The following TTN variants were observed in gnomAD, a reference collection of about 807,000 sequenced individuals.
TTN encodes the protein connectin.
A neutral mutation model predicts 3,223.0 loss-of-function variants in TTN; 1,525 were observed. The ratio of observed to expected loss-of-function variants is 0.47; its 90% CI spans 0.45 to 0.49. TTN has a LOEUF of 0.49. Ranked by LOEUF, TTN falls within the 20% of genes least tolerant of loss-of-function variation. The pLI is 0.00. For synonymous variants in TTN, 14,094 were observed against 15,161.0 expected (o/e 0.93, Z 5.17); for missense variants, 40,786 against 43,424.0 (o/e 0.94, Z 5.40).
In TTN at chr2:178,663,425, G is replaced by T. The variant is rs2065137036; in HGVS notation, c.36616+8C>A. On this transcript the variant is annotated splice_region_variant and intron_variant, in intron 172 of 362. Transcript: ENST00000589042. Reference sequence around the variant, plus strand: ...CAATATCAAACACAGCAACAAGAGGGTGTCTACCTTTTGTGGGTGGCACTT... The same window carrying T: ...CAATATCAAACACAGCAACAAGAGGTTGTCTACCTTTTGTGGGTGGCACTT... 10 of 1,609,512 alleles carry T rather than the reference G, an allele frequency of 6.2e-6. No homozygotes were observed. Among genetic ancestry groups the T allele is most frequent in the Non-Finnish European group, 8.5e-6 (10 of 1,178,346 alleles).
chr2:178,536,300 C>T lies in TTN; in HGVS notation c.100447G>A (p.Glu33483Lys), dbSNP rs368321767. 6.2e-7 allele frequency: 1 copy of T among 1,613,558 alleles called. No homozygotes were observed. The highest frequency in any genetic ancestry group is 1.3e-5 in the African/African-American group (1 of 74,908). Reference sequence around the variant, plus strand: ...ACATCAGATTTGGGAGTGATGGGTTCTGATATTTCACTCCATTCACTTTCC... The same window carrying T: ...ACATCAGATTTGGGAGTGATGGGTTTTGATATTTCACTCCATTCACTTTCC... ...GGESEWSEIS[E>K]PITPKSDVPI... is the part of the protein sequence containing the mutation. Residue 33483 changes from glutamate (E) to lysine (K), a missense_variant, in exon 357 of 363, where the codon GAA becomes AAA. Glu to Lys is a moderately conservative substitution (Grantham distance 56, BLOSUM62 1). Transcript: ENST00000589042.
intron 107 of TTN, 53 bp from the exon 108 acceptor site, chr2:178,702,298 T>C: frequency 6.2e-7 from 1 of 1,610,606 alleles, no homozygotes; most frequent in Non-Finnish European, 8.5e-7. Context: ...CAAATAACAC[T>C]TCTTTACTTC....
In TTN at chr2:178,595,478, T is replaced by A. The variant is rs948424354; in HGVS notation, c.57847+29A>T. On this transcript the variant is annotated intron_variant, in intron 295 of 362. Transcript: ENST00000589042. Reference sequence around the variant, plus strand: ...TGTACTAAATGAGTAAAGAAGTGATTAAGTATACATTTTTTTTTTTTTACT... The same window carrying A: ...TGTACTAAATGAGTAAAGAAGTGATAAAGTATACATTTTTTTTTTTTTACT... The A allele has an allele frequency of 5.9e-6, 9 of 1,533,146 alleles. No homozygotes were observed. The African/African-American group carries it at 7.0e-5, about 12-fold the overall frequency. The allele number at this position is 1,533,146 out of a possible 1,614,324, so 95.0% of individuals were successfully genotyped here.
At chr2:178,757,227 A>ATACTGTACTTGCTTTAAGTAGAGGAAG in intron 45 of TTN, among the ~76,000 whole-genome samples, 1 of 150,314 alleles carries the variant, frequency 6.7e-6, no homozygotes, top group Non-Finnish European at 1.5e-5. Flanking sequence ...ACAGTAAGTA[A>ATACTGTACTTGCTTTAAGTAGAGGAAG]TAATCAGCAA....
At position 178,620,871 on chromosome 2, in the gene TTN, T is replaced by G. The variant is rs373857517; in HGVS notation, c.45739A>C (p.Ile15247Leu). ...ATGATGTATTTTGAACTATCAAATA[T>G]AGCTTCTTCATTTCTGAACCATTTG... ...KAKWFRNEEA[I>L]FDSSKYIILQ... is the part of the protein sequence containing the mutation. The change falls in exon 247 of 363, where the codon ATA (isoleucine) becomes CTA (leucine). Residue 15247 changes from isoleucine to leucine, a missense_variant. Ile to Leu is a conservative substitution (Grantham distance 5, BLOSUM62 2). Coordinates refer to ENST00000589042, the MANE Select transcript of TTN (RefSeq NM_001267550.2). 2.7e-5 allele frequency: 44 copies of G among 1,612,508 alleles called. 1 individual carries two copies. Among genetic ancestry groups the G allele is most frequent in the Non-Finnish European group, 3.6e-5 (42 of 1,179,146 alleles).
intron 43 of TTN, among the ~76,000 whole-genome samples, chr2:178,763,205 G>A (rs1487820066): frequency 6.6e-6 from 1 of 152,176 alleles, no homozygotes; most frequent in Non-Finnish European, 1.5e-5. Context: ...GACTTGAAGT[G>A]GTTCCACATA....
Position 178,782,691 on chromosome 2 carries a change from C to G in TTN, c.3101-89G>C. The stretch of plus-strand genomic sequence containing the variant: ...AGTTAAATTGACCATATAATCTCCC[C>G]CCAAGTTCCAAAAAGGGACATCATT... On this transcript the variant is annotated intron_variant, in intron 18 of 362. Coordinates refer to ENST00000589042, the MANE Select transcript of TTN (RefSeq NM_001267550.2). The G allele has an allele frequency of 1.9e-6, 3 of 1,604,152 alleles. No homozygotes were observed. The South Asian group carries it at 3.3e-5, about 18-fold the overall frequency.
At chr2:178,763,431 G>T (rs953985980) in intron 43 of TTN, among the ~76,000 whole-genome samples, 1 of 152,160 alleles carries the variant, frequency 6.6e-6, no homozygotes, top group African/African-American at 2.4e-5. Flanking sequence ...AATTAGTCCA[G>T]TCAACAATTA....
chr2:178,650,756 G>C lies in TTN; in HGVS notation c.39704C>G (p.Pro13235Arg), dbSNP rs72650066. The C allele has an allele frequency of 9.2e-3, 14,817 of 1,602,542 alleles. 522 individuals carry two copies. The East Asian group carries it at 0.13, about 14-fold the overall frequency. The change falls in exon 209 of 363, where the codon CCA becomes CGA. Residue 13235 changes from proline (P) to arginine (R), a missense_variant. By Grantham distance (103) the Pro-to-Arg change is moderately radical. Coordinates refer to ENST00000589042, the MANE Select transcript of TTN (RefSeq NM_001267550.2). Reference protein sequence around the residue: ...PVPERAESPPPEVYEEPEEIA... With the variant: ...PVPERAESPPREVYEEPEEIA... Reference sequence around the variant, plus strand: ...ATCACCGGTCTCACGTGTACCTTCTGGGGGAGGAGACTCCGCTCTTTCTGG... The same window carrying C: ...ATCACCGGTCTCACGTGTACCTTCTCGGGGAGGAGACTCCGCTCTTTCTGG...
chr2:178,554,420 A>G (rs1209620273), intron 332 of TTN, 33 bp downstream of exon 332: 2 of 1,595,362 alleles, frequency 1.3e-6, no homozygotes, highest in African/African-American at 2.7e-5. Context: ...TAAATTTTTC[A>G]CGTTTCAGTT....
rs1489668533 is a variant in TTN at position 178,552,417 on chromosome 2, T to C, written c.90483A>G (p.Pro30161=). The C allele has an allele frequency of 1.3e-6, 2 of 1,596,002 alleles. No individual in the cohort carries two copies. The highest frequency in any genetic ancestry group is 2.3e-5 in the South Asian group (2 of 88,728). Reference sequence around the variant, plus strand: ...AGCCATCTTTCAGCCAACTGATGGATGGTTTGGGTTTTCCCTTATAAGGTA... The same window carrying C: ...AGCCATCTTTCAGCCAACTGATGGACGGTTTGGGTTTTCCCTTATAAGGTA... ...LELPYKGKPK[P]SISWLKDGLP... is the part of the protein sequence containing the mutation. The change falls in exon 335 of 363, where the codon CCA becomes CCG. Residue 30161 remains proline (P), a synonymous_variant. Coordinates refer to ENST00000589042, the MANE Select transcript of TTN (RefSeq NM_001267550.2).
rs561586925 is a variant in TTN, at chr2:178,575,568, C to T, written c.70564G>A (p.Glu23522Lys). 7.4e-6 allele frequency: 12 copies of T among 1,613,670 alleles called. No individual in the cohort carries two copies. In the Admixed American group the frequency reaches 8.3e-5, roughly 11 times the overall value. The stretch of plus-strand genomic sequence containing the variant: ...GAGGCTTTTACGGGCTCTGTAGTTT[C>T]TGTTGGCTCACCAATTCCATATTCA... ...ENEYGIGEPT[E>K]TTEPVKASEA... Residue 23522 changes from glutamate (E) to lysine (K), a missense_variant, in exon 326 of 363, where the codon GAA becomes AAA. By Grantham distance (56) the Glu-to-Lys change is moderately conservative (BLOSUM62 1). Transcript: ENST00000589042. This position sits in a 1 kb window ranked among gnomAD's most constrained non-coding sequence, Gnocchi z 4.0.
At chr2:178,735,109 T>G in intron 50 of TTN, 121 bp from the exon 51 acceptor site, 1 of 1,145,666 alleles carries the variant, frequency 8.7e-7, no homozygotes, top group African/African-American at 1.6e-5. Context: ...ACAAAATTTC[T>G]GTAAAAGCTG....
chr2:178,552,333 C>T lies in TTN; in HGVS notation c.90567G>A (p.Leu30189=). ...RFSKTENKIT[L]SIKNAKKEHG... Reference sequence around the variant, plus strand: ...GCTCCTTCTTGGCATTCTTAATACTCAAAGTAATTTTGTTTTCAGTTTTAC... The same window carrying T: ...GCTCCTTCTTGGCATTCTTAATACTTAAAGTAATTTTGTTTTCAGTTTTAC... The change falls in exon 335 of 363, where the codon TTG becomes TTA. Residue 30189 remains leucine (L), a synonymous_variant. Transcript: ENST00000589042. 6.2e-7 allele frequency: 1 copy of T among 1,603,734 alleles called. No individual in the cohort carries two copies.
In TTN at chr2:178,713,215, C is replaced by T; in HGVS notation, c.26919G>A (p.Gln8973=). The T allele has an allele frequency of 6.2e-7, 1 of 1,613,530 alleles. No individual in the cohort carries two copies. Among genetic ancestry groups the T allele is most frequent in the Non-Finnish European group, 8.5e-7 (1 of 1,179,700 alleles). Reference sequence around the variant, plus strand: ...CACAAGTATTATCTGTCAGGGTGGTCTGGTATTTCCTTCCACTACTGATCT... The same window carrying T: ...CACAAGTATTATCTGTCAGGGTGGTTTGGTATTTCCTTCCACTACTGATCT... ...GNEISSGRKY[Q]TTLTDNTCAL... is the part of the protein sequence containing the mutation. The change falls in exon 93 of 363, where the codon CAG becomes CAA. Residue 8973 remains glutamine (Q), a synonymous_variant. Coordinates refer to ENST00000589042, the MANE Select transcript of TTN (RefSeq NM_001267550.2).
Position 178,794,902 on chromosome 2 carries a change from C to T in TTN, c.1245+20G>A. ...AACTAGAATGTGAAATAAGGAAAAACAAAACCATTCTGACAGTACCTCTTT... is the reference window on the plus strand; with the variant it reads ...AACTAGAATGTGAAATAAGGAAAAATAAAACCATTCTGACAGTACCTCTTT... On this transcript the variant is annotated intron_variant, in intron 7 of 362. Transcript: ENST00000589042. 6.3e-7 allele frequency: 1 copy of T among 1,599,974 alleles called. No individual in the cohort carries two copies. The highest frequency in any genetic ancestry group is 2.2e-5 in the East Asian group (1 of 44,872).
chr2:178,664,364 A>T (rs2065471809), intron 168 of TTN, 96 bp downstream of exon 168: 1 of 963,532 alleles, frequency 1.0e-6, no homozygotes, highest in African/African-American at 1.6e-5. Context: ...GACATGATTC[A>T]CATGTACACA....
In TTN at chr2:178,697,171, G is replaced by T; in HGVS notation, c.30755-3C>A. ...AGGTGGAGGCTTCTTGACAATCTCT[G>T]GGAGTTTAAAAACATAAAAATGTGT... On this transcript the variant is annotated splice_region_variant and splice_polypyrimidine_tract_variant and intron_variant, in intron 112 of 362. Coordinates refer to ENST00000589042, the MANE Select transcript of TTN (RefSeq NM_001267550.2). 6.6e-7 allele frequency: 1 copy of T among 1,525,282 alleles called. No homozygotes were observed. Among genetic ancestry groups the T allele is most frequent in the East Asian group, 2.4e-5 (1 of 40,940 alleles). The allele number at this position is 1,525,282 out of a possible 1,614,324, so 94.5% of individuals were successfully genotyped here. A position where few individuals can be genotyped will look rare whatever the true frequency, so the allele number is the denominator to read the frequency against.
In TTN at chr2:178,663,512, A is replaced by G. The variant is rs1192106980; in HGVS notation, c.36537T>C (p.Pro12179=). 1.4e-5 allele frequency: 22 copies of G among 1,612,706 alleles called. No individual in the cohort carries two copies. Among genetic ancestry groups the G allele is most frequent in the Non-Finnish European group, 1.8e-5 (21 of 1,179,496 alleles). ...KEPEVPPVKV[P]EAPKEVVPEK... is the part of the protein sequence containing the mutation. ...CAGGAACAACTTCTTTGGGAGCCTCAGGCACTTGAAAGATATTAGTGAAAT... is the reference window on the plus strand; with the variant it reads ...CAGGAACAACTTCTTTGGGAGCCTCGGGCACTTGAAAGATATTAGTGAAAT... The change falls in exon 172 of 363, where the codon CCT becomes CCC. Residue 12179 remains proline, a synonymous_variant. Transcript: ENST00000589042.
Sources: gnomAD v4.1 joint callset for allele counts (sites outside exome capture counted in the v4.1 genomes callset) on GRCh38, gnomAD v4.1.1 for gene constraint, Gnocchi (gnomAD v3.1) non-coding constraint, MANE v1.5 for transcripts, NCBI Gene and HGNC (gene_info 2026-07-23, HGNC 2026-07-21) for gene names.